Variants in SMTNL2 observed in about 807,000 individuals in gnomAD.
SMTNL2 encodes the protein smoothelin-like protein 2.
In SMTNL2, 43 loss-of-function variants were observed where a neutral mutation model predicts 44.1. That is an observed-to-expected ratio of 0.98 (90% CI 0.76 to 1.26). The LOEUF (loss-of-function observed/expected upper bound fraction) is 1.26. Ranked by LOEUF, SMTNL2 falls within the 50% of genes most tolerant of loss-of-function variation. SMTNL2 has a pLI of 0.00. For missense variants in SMTNL2, 646 were observed against 670.2 expected (o/e 0.96, Z 0.40); for synonymous variants, 317 against 287.6 (o/e 1.10, Z -1.03).
In SMTNL2 at chr17:4,595,357, G is replaced by GC; in HGVS notation, c.989+34dup. 6.2e-7 allele frequency: 1 copy of GC among 1,603,590 alleles called. No individual in the cohort carries two copies. The highest frequency in any genetic ancestry group is 8.5e-7 in the Non-Finnish European group (1 of 1,174,314). ...GGATGCCCACTCACAGACAGGCCCG[G>GC]CCCCACGGTGTGCCCAGACCCAGAC... On this transcript the variant is annotated intron_variant, in intron 5 of 7. Coordinates refer to ENST00000389313, the MANE Select transcript of SMTNL2 (RefSeq NM_001114974.2). The surrounding 1 kb of genome is among the most constrained non-coding windows in gnomAD (Gnocchi z 5.1).
intron 1 of SMTNL2, among the ~76,000 whole-genome samples, chr17:4,585,585 G>A (rs1051214189): frequency 2.6e-5 from 4 of 152,228 alleles, no homozygotes; most frequent in Non-Finnish European, 4.4e-5. Flanking sequence ...GTGGAAACCC[G>A]CCTTGAGCCG....
intron 4 of SMTNL2, 181 bp from the exon 5 acceptor site, chr17:4,594,964 G>A: frequency 1.3e-6 from 1 of 786,798 alleles, no homozygotes; most frequent in South Asian, 1.7e-5. Context: ...AGTCCCTCCA[G>A]CCAGCACAAT....
chr17:4,590,914 TG>T (rs531796838), intron 1 of SMTNL2, among the ~76,000 whole-genome samples: 77 of 152,158 alleles, frequency 5.1e-4, no homozygotes, highest in Non-Finnish European at 7.9e-4. Flanking sequence ...GCAGGCAGCT[TG>T]GGCGGCAGGG....
rs1389138747 is a variant in SMTNL2 at position 4,585,981 on chromosome 17, G to T, written c.399+977G>T. Among the ~76,000 whole-genome samples, 3 of 152,154 alleles carry T rather than the reference G, an allele frequency of 2.0e-5. No individual in the cohort carries two copies. In the East Asian group the frequency reaches 5.8e-4, roughly 29 times the overall value. ...AAGTTTGGGCAGCCAGAGATGTTTT[G>T]CTCCAAACACAGTAGTTAGCCCCTT... On this transcript the variant is annotated intron_variant, in intron 1 of 7. Transcript: ENST00000389313.
In SMTNL2 at chr17:4,600,086, C is replaced by T. The variant is rs902150321; in HGVS notation, c.1259+2763C>T. Among the ~76,000 whole-genome samples, 3 of 152,048 alleles carry T rather than the reference C, an allele frequency of 2.0e-5. No homozygotes were observed. The highest frequency in any genetic ancestry group is 4.8e-5 in the African/African-American group (2 of 41,320). On this transcript the variant is annotated intron_variant, in intron 7 of 7. Coordinates refer to ENST00000389313, the MANE Select transcript of SMTNL2 (RefSeq NM_001114974.2). The surrounding 1 kb of genome is among the most constrained non-coding windows in gnomAD (Gnocchi z 4.7). ...TGCTCAGAGCCTGGGAAGAGGCCTCCCCTCATGACTCATCCGTAAGATTAT... is the reference window on the plus strand; with the variant it reads ...TGCTCAGAGCCTGGGAAGAGGCCTCTCCTCATGACTCATCCGTAAGATTAT...
In SMTNL2 at chr17:4,595,978, G is replaced by A; in HGVS notation, c.989+651G>A. 6.8e-6 allele frequency among the ~76,000 whole-genome samples: 1 copy of A among 147,158 alleles called. No homozygotes were observed. Among genetic ancestry groups the A allele is most frequent in the Non-Finnish European group, 1.5e-5 (1 of 66,698 alleles). On this transcript the variant is annotated intron_variant, in intron 5 of 7. Coordinates refer to ENST00000389313, the MANE Select transcript of SMTNL2 (RefSeq NM_001114974.2). This position sits in a 1 kb window ranked among gnomAD's most constrained non-coding sequence, Gnocchi z 5.1. Reference sequence around the variant, plus strand: ...GTGGTATTGATGTCTGCTGTGTGCAGGGTGTGGCCCACGCGTGGTATTGAT... The same window carrying A: ...GTGGTATTGATGTCTGCTGTGTGCAAGGTGTGGCCCACGCGTGGTATTGAT...
At position 4,592,937 on chromosome 17, in the gene SMTNL2, G is replaced by A. The variant is rs755326541; in HGVS notation, c.496G>A (p.Asp166Asn). 22 of 1,611,442 alleles carry A rather than the reference G, an allele frequency of 1.4e-5. No individual in the cohort carries two copies. Among genetic ancestry groups the A allele is most frequent in the South Asian group, 6.6e-5 (6 of 90,938 alleles). Residue 166 changes from aspartate (D) to asparagine (N), a missense_variant, in exon 3 of 8, where the codon GAT (aspartate) becomes AAT (asparagine). Physicochemically the swap from Asp to Asn is conservative, Grantham distance 23. Coordinates refer to ENST00000389313, the MANE Select transcript of SMTNL2 (RefSeq NM_001114974.2). This position sits in a 1 kb window ranked among gnomAD's most constrained non-coding sequence, Gnocchi z 4.5. ...NGHQPGAGPG[D>N]GPPEIAQNFS... is the part of the protein sequence containing the mutation. ...CTGGTCACATGTTCCAGGTCCAGGC[G>A]ATGGACCCCCTGAGATTGCCCAAAA...
chr17:4,603,326 T>A (rs1204178032), intron 7 of SMTNL2, among the ~76,000 whole-genome samples: 2 of 152,070 alleles, frequency 1.3e-5, no homozygotes, highest in African/African-American at 2.4e-5. Flanking sequence ...GAAGGAAGGT[T>A]TTCTTCTGGC....
intron 1 of SMTNL2, among the ~76,000 whole-genome samples, chr17:4,586,274 T>C (rs1909343534): frequency 6.6e-6 from 1 of 152,142 alleles, no homozygotes; most frequent in African/African-American, 2.4e-5. Context: ...GTGCTCCGTG[T>C]GAAATGTCTG....
intron 4 of SMTNL2, among the ~76,000 whole-genome samples, chr17:4,594,313 G>T (rs940868794): frequency 1.4e-4 from 22 of 152,254 alleles, no homozygotes; most frequent in African/African-American, 5.3e-4. Context: ...GCTGGGCATG[G>T]TGGTGGGTGC....
chr17:4,586,134 A>G (rs1232841004), intron 1 of SMTNL2, among the ~76,000 whole-genome samples: 2 of 152,246 alleles, frequency 1.3e-5, no homozygotes, highest in Admixed American at 6.5e-5. Context: ...TGGTGAGTGC[A>G]GCCTCGAGGT....
chr17:4,593,967 G>A (rs538148957), intron 4 of SMTNL2, 70 bp downstream of exon 4: 48 of 1,559,216 alleles, frequency 3.1e-5, no homozygotes, highest in African/African-American at 3.0e-4. Context: ...GACGCAGGCC[G>A]CCCAGGGTTG....
Position 4,595,853 on chromosome 17 carries a change from G to A in SMTNL2, c.989+526G>A, listed in dbSNP as rs2150522599. On this transcript the variant is annotated intron_variant, in intron 5 of 7. Transcript: ENST00000389313. The surrounding 1 kb of genome is among the most constrained non-coding windows in gnomAD (Gnocchi z 5.1). ...GCTCCAGCCCACCTTTGCATATTCA[G>A]CCAGTCCTCGTGTCAGTGCATGGTA... Among the ~76,000 whole-genome samples, 1 of 152,394 alleles carries A rather than the reference G, an allele frequency of 6.6e-6. No homozygotes were observed. The highest frequency in any genetic ancestry group is 6.5e-5 in the Admixed American group (1 of 15,310).
intron 7 of SMTNL2, among the ~76,000 whole-genome samples, chr17:4,603,672 C>G (rs964934229): frequency 6.6e-6 from 1 of 152,012 alleles, no homozygotes; most frequent in Non-Finnish European, 1.5e-5. Flanking sequence ...TGCTGATAAC[C>G]AGAGCATGTG....
At chr17:4,591,232 G>C (rs1424313517) in intron 1 of SMTNL2, among the ~76,000 whole-genome samples, 1 of 152,248 alleles carries the variant, frequency 6.6e-6, no homozygotes, top group African/African-American at 2.4e-5. Context: ...TGCAAGAGGA[G>C]CTGAGCCATC....
chr17:4,602,611 C>T (rs563676763), intron 7 of SMTNL2, among the ~76,000 whole-genome samples: 5 of 152,182 alleles, frequency 3.3e-5, no homozygotes, highest in African/African-American at 4.8e-5. Flanking sequence ...GCTTGAGCCA[C>T]GGCACCTAGC....
At position 4,598,871 on chromosome 17, in the gene SMTNL2, G is replaced by C. The variant is rs1210283252; in HGVS notation, c.1259+1548G>C. Among the ~76,000 whole-genome samples, 1 of 150,552 alleles carries C rather than the reference G, an allele frequency of 6.6e-6. No individual in the cohort carries two copies. The highest frequency in any genetic ancestry group is 2.4e-5 in the African/African-American group (1 of 41,022). ...CTCATGGGCTTGTTGGGTTAAAGGA[G>C]CCTCACCCCAGGCCTCACCTGCCTT... On this transcript the variant is annotated intron_variant, in intron 7 of 7. Coordinates refer to ENST00000389313, the MANE Select transcript of SMTNL2 (RefSeq NM_001114974.2). This position sits in a 1 kb window ranked among gnomAD's most constrained non-coding sequence, Gnocchi z 4.8.
chr17:4,595,060 C>T lies in SMTNL2; in HGVS notation c.807-85C>T, dbSNP rs1909748069. ...ATCACGGTGCAGGCTGCCTTGTCCA[C>T]ACTCAGTGCAATGGAGACCTTGGGG... On this transcript the variant is annotated intron_variant, in intron 4 of 7. Transcript: ENST00000389313. This position sits in a 1 kb window ranked among gnomAD's most constrained non-coding sequence, Gnocchi z 5.1. 1.3e-6 allele frequency: 2 copies of T among 1,581,644 alleles called. No individual in the cohort carries two copies. Among genetic ancestry groups the T allele is most frequent in the Non-Finnish European group, 1.7e-6 (2 of 1,154,754 alleles).
intron 7 of SMTNL2, among the ~76,000 whole-genome samples, chr17:4,605,524 T>C (rs1262089624): frequency 6.6e-6 from 1 of 152,062 alleles, no homozygotes; most frequent in Non-Finnish European, 1.5e-5. Context: ...TTTGCATGGG[T>C]TTATAATTTT....
Sources: gnomAD v4.1 joint callset for allele counts (sites outside exome capture counted in the v4.1 genomes callset) on GRCh38, gnomAD v4.1.1 for gene constraint, Gnocchi (gnomAD v3.1) non-coding constraint, MANE v1.5 for transcripts, NCBI Gene and HGNC (gene_info 2026-07-23, HGNC 2026-07-21) for gene names.